Variants in FBXW8 observed in about 807,000 individuals in gnomAD.
FBXW8 encodes the protein F-box and WD repeat domain containing 8, also known as F-box/WD repeat-containing protein 8.
Under a neutral mutation model 65.3 loss-of-function variants are expected in FBXW8, and 57 were observed. The observed-to-expected ratio is 0.87, with a 90% CI of 0.71 to 1.09. The LOEUF is 1.09. Ranked by LOEUF, FBXW8 falls within the 50% of genes least tolerant of loss-of-function variation. The pLI, the probability that FBXW8 is intolerant of heterozygous loss-of-function variation, is 0.00. For synonymous variants in FBXW8, 308 were observed against 330.2 expected (o/e 0.93, Z 0.73); for missense variants, 777 against 814.8 (o/e 0.95, Z 0.57).
At chr12:116,923,587 G>A (rs1881073564) in intron 1 of FBXW8, among the ~76,000 whole-genome samples, 2 of 151,860 alleles carry the variant, frequency 1.3e-5, no homozygotes, top group South Asian at 2.1e-4. Flanking sequence ...GCAGTGGCGC[G>A]ATCTCGGCTC....
chr12:116,919,822 G>A (rs1043980318), intron 1 of FBXW8, among the ~76,000 whole-genome samples: 3 of 152,200 alleles, frequency 2.0e-5, no homozygotes, highest in African/African-American at 7.2e-5. Context: ...TCTGCTGAAA[G>A]TTTTAATACT....
intron 5 of FBXW8, chr12:116,977,594 C>T (rs1885035830): frequency 6.6e-6 from 1 of 152,262 alleles, no homozygotes; most frequent in African/African-American, 2.4e-5. Context: ...CACTCCCCTC[C>T]TTAGAGGCAT....
intron 4 of FBXW8, among the ~76,000 whole-genome samples, chr12:116,955,043 G>GA (rs1319673520): frequency 6.6e-6 from 1 of 151,386 alleles, no homozygotes; most frequent in Non-Finnish European, 1.5e-5. Context: ...AAATGGGGGG[G>GA]GGGGGCCCTG....
intron 5 of FBXW8, 99 bp from the exon 6 acceptor site, chr12:116,985,107 C>T: frequency 9.7e-7 from 1 of 1,034,940 alleles, no homozygotes; most frequent in South Asian, 1.9e-5. Context: ...TCCAAGGTAT[C>T]TCCGTTAAAA....
intron 1 of FBXW8, among the ~76,000 whole-genome samples, chr12:116,915,320 T>G (rs1016237093): frequency 2.0e-5 from 3 of 152,386 alleles, no homozygotes; most frequent in Admixed American, 2.0e-4. Context: ...CTGTTCTTTT[T>G]GTCACAATTA....
At chr12:116,956,469 T>A (rs540034736) in intron 4 of FBXW8, among the ~76,000 whole-genome samples, 3 of 152,142 alleles carry the variant, frequency 2.0e-5, no homozygotes, top group African/African-American at 7.2e-5. Context: ...GATTCAAATA[T>A]GTTTTTATTT....
In FBXW8 at chr12:116,961,584, G is replaced by C. The variant is rs189887826; in HGVS notation, c.678-3113G>C. ...GTGTTAAGATGTAAGACTTTATAGA[G>C]GGTTCTCTGGGTATATGGCAAGCGC... On this transcript the variant is annotated intron_variant, in intron 4 of 10. Transcript: ENST00000652555. This position sits in a 1 kb window ranked among gnomAD's most constrained non-coding sequence, Gnocchi z 4.4. Among the ~76,000 whole-genome samples the C allele has an allele frequency of 1.3e-5, 2 of 152,300 alleles. No homozygotes were observed. Among genetic ancestry groups the C allele is most frequent in the Admixed American group, 1.3e-4 (2 of 15,304 alleles).
At chr12:116,925,107 AT>A (rs1180882335) in intron 1 of FBXW8, among the ~76,000 whole-genome samples, 10 of 152,172 alleles carry the variant, frequency 6.6e-5, no homozygotes, top group Non-Finnish European at 1.2e-4. Flanking sequence ...TTTTCAAAAA[AT>A]AGATTCTGAA....
intron 7 of FBXW8, among the ~76,000 whole-genome samples, chr12:116,992,201 C>T (rs1953257736): frequency 6.6e-6 from 1 of 152,044 alleles, no homozygotes; most frequent in African/African-American, 2.4e-5. Flanking sequence ...TTGAATGTAG[C>T]TGGCTGATCA....
chr12:116,946,278 G>C (rs746217310), intron 3 of FBXW8, among the ~76,000 whole-genome samples: 23 of 152,126 alleles, frequency 1.5e-4, no homozygotes, highest in Non-Finnish European at 2.9e-4. Flanking sequence ...ATGACAAATT[G>C]CCTATGTGCC....
intron 3 of FBXW8, among the ~76,000 whole-genome samples, chr12:116,946,720 A>G (rs1036572186): frequency 1.1e-4 from 16 of 152,056 alleles, no homozygotes; most frequent in African/African-American, 3.9e-4. Flanking sequence ...ACCTACGGTA[A>G]TAAACTCGTC....
chr12:117,029,349 C>T lies in FBXW8; in HGVS notation c.*1177C>T, dbSNP rs1954307983. 1 of 152,168 alleles carries T rather than the reference C, an allele frequency of 6.6e-6. No homozygotes were observed. The highest frequency in any genetic ancestry group is 6.5e-5 in the Admixed American group (1 of 15,278). 9.4% of individuals were successfully genotyped at this position (152,168 alleles called of 1,614,324 possible). A position where few individuals can be genotyped will look rare whatever the true frequency, so the allele number is the denominator to read the frequency against. ...GAAATCAACAAAAAGCAAAATAAGA[C>T]AATTCCAGACACTCCTGAATTTACT... On this transcript the variant is annotated 3_prime_UTR_variant, in exon 11 of 11. Transcript: ENST00000652555.
chr12:116,968,486 A>C (rs1884458889), intron 5 of FBXW8, among the ~76,000 whole-genome samples: 1 of 152,212 alleles, frequency 6.6e-6, no homozygotes. Context: ...CCCCGTTTGC[A>C]CACCTGAATG....
At chr12:116,939,334 T>C (rs1882398470) in intron 2 of FBXW8, among the ~76,000 whole-genome samples, 1 of 152,154 alleles carries the variant, frequency 6.6e-6, no homozygotes, top group South Asian at 2.1e-4. Context: ...TTTTAAGCAT[T>C]TTGGATAAGG....
intron 5 of FBXW8, among the ~76,000 whole-genome samples, chr12:116,979,789 A>C (rs982430938): frequency 2.6e-5 from 4 of 151,840 alleles, no homozygotes; most frequent in Admixed American, 6.6e-5. Context: ...AAAAAAAAAA[A>C]AAAAAAACAC....
At chr12:116,917,472 G>A (rs536988149) in intron 1 of FBXW8, among the ~76,000 whole-genome samples, 20 of 152,254 alleles carry the variant, frequency 1.3e-4, no homozygotes, top group African/African-American at 3.4e-4. Context: ...CCCTGCCCCC[G>A]TTTCTTCTCC....
intron 5 of FBXW8, among the ~76,000 whole-genome samples, chr12:116,979,887 G>C (rs780333262): frequency 8.6e-5 from 13 of 151,832 alleles, no homozygotes; most frequent in Non-Finnish European, 1.2e-4. Context: ...TTGGCCTACT[G>C]TGCAGGAGAG....
rs1884004054 is a variant in FBXW8 at position 116,961,870 on chromosome 12, G to C, written c.678-2827G>C. ...TCAGGTGTTTTGAAGGGCTTGGCTTGTGGGGGGAGGATTGAATGGAAGAAG... is the reference window on the plus strand; with the variant it reads ...TCAGGTGTTTTGAAGGGCTTGGCTTCTGGGGGGAGGATTGAATGGAAGAAG... On this transcript the variant is annotated intron_variant, in intron 4 of 10. Transcript: ENST00000652555. The surrounding 1 kb of genome is among the most constrained non-coding windows in gnomAD (Gnocchi z 4.4). Among the ~76,000 whole-genome samples the C allele has an allele frequency of 6.6e-6, 1 of 152,234 alleles. No homozygotes were observed. Among genetic ancestry groups the C allele is most frequent in the Non-Finnish European group, 1.5e-5 (1 of 68,042 alleles).
chr12:116,939,412 C>G (rs1054160034), intron 2 of FBXW8, among the ~76,000 whole-genome samples: 3 of 152,206 alleles, frequency 2.0e-5, no homozygotes, highest in Non-Finnish European at 2.9e-5. Context: ...AGCGCAAGTT[C>G]TGCAGCGAGG....
Sources: allele counts gnomAD v4.1 joint callset (sites outside exome capture counted in the v4.1 genomes callset), GRCh38; gene constraint gnomAD v4.1.1; non-coding constraint Gnocchi (gnomAD v3.1); transcripts MANE v1.5; gene names NCBI Gene and HGNC (gene_info 2026-07-23, HGNC 2026-07-21).